The following MAB21L3 variants were observed in gnomAD, a reference collection of about 807,000 sequenced individuals.
MAB21L3 encodes the protein mab-21 like 3, also known as protein mab-21-like 3.
Under a neutral mutation model 37.7 loss-of-function variants are expected in MAB21L3, and 36 were observed. The ratio of observed to expected loss-of-function variants is 0.96; its 90% CI spans 0.73 to 1.26. The LOEUF is 1.26. MAB21L3 is among the 50% of genes most tolerant of loss of function. The probability of loss-of-function intolerance (pLI) is 0.00; values close to 1 mark genes in which losing one functional copy is unlikely to be tolerated. For synonymous variants in MAB21L3, 186 were observed against 176.8 expected (o/e 1.05, Z -0.41); for missense variants, 430 against 447.3 (o/e 0.96, Z 0.35).
intron 6 of MAB21L3, 126 bp from the exon 7 acceptor site, chr1:116,128,019 C>A: frequency 1.0e-6 from 1 of 996,726 alleles, no homozygotes; most frequent in Non-Finnish European, 1.4e-6. Context: ...CCCTTCTCAT[C>A]CCCACGTAGG....
At chr1:116,131,002 T>G (rs992650801) in intron 7 of MAB21L3, among the ~76,000 whole-genome samples, 2 of 152,180 alleles carry the variant, frequency 1.3e-5, no homozygotes, top group African/African-American at 4.8e-5. Flanking sequence ...TAACCCAATA[T>G]CTAAACCATA....
At chr1:116,122,434 A>G (rs549986818) in intron 4 of MAB21L3, among the ~76,000 whole-genome samples, 2 of 152,272 alleles carry the variant, frequency 1.3e-5, no homozygotes, top group Non-Finnish European at 2.9e-5. Context: ...TAGAATTCAT[A>G]GCTTAAAATA....
intron 7 of MAB21L3, among the ~76,000 whole-genome samples, chr1:116,130,950 A>G (rs980018204): frequency 3.9e-5 from 6 of 152,230 alleles, no homozygotes; most frequent in African/African-American, 1.2e-4. Context: ...CATAGTTGCT[A>G]TGAACTTACA....
intron 3 of MAB21L3, among the ~76,000 whole-genome samples, chr1:116,113,491 T>C (rs1244891267): frequency 6.6e-6 from 1 of 152,170 alleles, no homozygotes; most frequent in Non-Finnish European, 1.5e-5. Context: ...CTGGCATTTT[T>C]TTCGTGGGTC....
At chr1:116,127,208 G>A (rs746910956) in intron 5 of MAB21L3, among the ~76,000 whole-genome samples, 1 of 152,090 alleles carries the variant, frequency 6.6e-6, no homozygotes, top group Non-Finnish European at 1.5e-5. Context: ...TGGGGTTGGG[G>A]GAGAAAGAAA....
At chr1:116,113,468 G>T (rs1366932110) in intron 3 of MAB21L3, among the ~76,000 whole-genome samples, 1 of 152,186 alleles carries the variant, frequency 6.6e-6, no homozygotes, top group Non-Finnish European at 1.5e-5. Flanking sequence ...GCTCTAAGTG[G>T]AAGAGATATT....
At position 116,133,115 on chromosome 1, in the gene MAB21L3, ACTTCTC is replaced by A. The variant is rs1557935441; in HGVS notation, c.856-15_856-10del. The A allele has an allele frequency of 1.3e-6, 2 of 1,599,394 alleles. No individual in the cohort carries two copies. Among genetic ancestry groups the A allele is most frequent in the East Asian group, 4.5e-5 (2 of 44,784 alleles). On this transcript the variant is annotated splice_polypyrimidine_tract_variant and intron_variant, in intron 7 of 7. Coordinates refer to ENST00000369500, the MANE Select transcript of MAB21L3 (RefSeq NM_152367.3). ...ATTGCCCGAAACAATGTCTGACAGCACTTCTCCCTTCCACAGACTGTGCTCTTTTGG... is the reference window on the plus strand; with the variant it reads ...ATTGCCCGAAACAATGTCTGACAGCACCTTCCACAGACTGTGCTCTTTTGG...
intron 7 of MAB21L3, among the ~76,000 whole-genome samples, chr1:116,132,816 G>A (rs969528927): frequency 1.3e-5 from 2 of 152,184 alleles, no homozygotes; most frequent in Non-Finnish European, 2.9e-5. Flanking sequence ...GCCGCAGTAG[G>A]CAAGATCTGT....
intron 3 of MAB21L3, among the ~76,000 whole-genome samples, chr1:116,120,066 G>C (rs536305440): frequency 2.0e-5 from 3 of 152,088 alleles, no homozygotes; most frequent in Non-Finnish European, 4.4e-5. Context: ...GGCAGCAGGC[G>C]TGACAATACC....
intron 4 of MAB21L3, among the ~76,000 whole-genome samples, chr1:116,122,851 T>C (rs983117159): frequency 6.6e-6 from 1 of 152,234 alleles, no homozygotes; most frequent in Non-Finnish European, 1.5e-5. Context: ...TGAATTCACA[T>C]GAAAGTGAAT....
chr1:116,124,416 A>G, intron 5 of MAB21L3, 59 bp downstream of exon 5: 1 of 1,514,880 alleles, frequency 6.6e-7, no homozygotes, highest in Non-Finnish European at 8.9e-7. Flanking sequence ...TCACTCTATA[A>G]AACCTCTGTT....
At chr1:116,113,834 G>GT (rs1557926641) in intron 3 of MAB21L3, among the ~76,000 whole-genome samples, 1 of 152,162 alleles carries the variant, frequency 6.6e-6, no homozygotes, top group Admixed American at 6.5e-5. Context: ...GCCAGAGCAC[G>GT]TGCTGGCCAA....
At chr1:116,118,182 C>G (rs746999209) in intron 3 of MAB21L3, among the ~76,000 whole-genome samples, 9 of 152,038 alleles carry the variant, frequency 5.9e-5, no homozygotes, top group South Asian at 2.1e-4. Context: ...AGGAGATTGA[C>G]ACCATCCTAG....
intron 3 of MAB21L3, among the ~76,000 whole-genome samples, chr1:116,114,616 G>C (rs540912209): frequency 6.6e-5 from 10 of 152,318 alleles, no homozygotes; most frequent in African/African-American, 2.4e-4. Context: ...ACGGTTTGAG[G>C]GTAGACCAAG....
At chr1:116,117,751 T>G (rs1194816592) in intron 3 of MAB21L3, among the ~76,000 whole-genome samples, 3 of 152,172 alleles carry the variant, frequency 2.0e-5, no homozygotes, top group African/African-American at 7.2e-5. Context: ...TCCACTTCAC[T>G]CTTAGCTCAT....
rs1355079949 is a variant in MAB21L3 at position 116,138,058 on chromosome 1, G to A, written c.*4693G>A. On this transcript the variant is annotated 3_prime_UTR_variant, in exon 8 of 8. Coordinates refer to ENST00000369500, the MANE Select transcript of MAB21L3 (RefSeq NM_152367.3). ...TTAGTGGGTGCAGCGCACCAGCATG[G>A]CACATGTATACATATGTAACTAACC... is the stretch of plus-strand genomic sequence containing the variant. Among the ~76,000 whole-genome samples, 2 of 151,066 alleles carry A rather than the reference G, an allele frequency of 1.3e-5. No homozygotes were observed. The highest frequency in any genetic ancestry group is 4.9e-5 in the African/African-American group (2 of 41,008).
chr1:116,114,321 C>T (rs893741038), intron 3 of MAB21L3, among the ~76,000 whole-genome samples: 3 of 151,996 alleles, frequency 2.0e-5, no homozygotes, highest in African/African-American at 4.8e-5. Context: ...CTTTAGAGTT[C>T]GTTAAAGGCA....
At chr1:116,133,052 A>G (rs1660115533) in intron 7 of MAB21L3, 80 bp from the exon 8 acceptor site, 2 of 1,189,554 alleles carry the variant, frequency 1.7e-6, no homozygotes, top group Admixed American at 2.0e-5. Flanking sequence ...TTCCAAGGCC[A>G]CATAAGCTCA....
At chr1:116,130,912 A>G (rs1660050412) in intron 7 of MAB21L3, among the ~76,000 whole-genome samples, 1 of 152,224 alleles carries the variant, frequency 6.6e-6, no homozygotes, top group South Asian at 2.1e-4. Context: ...TCTCTAACTC[A>G]TTTATTCATA....
Sources: gnomAD v4.1 joint callset for allele counts (sites outside exome capture counted in the v4.1 genomes callset) on GRCh38, gnomAD v4.1.1 for gene constraint, MANE v1.5 for transcripts, NCBI Gene and HGNC (gene_info 2026-07-23, HGNC 2026-07-21) for gene names.